The following EMILIN2 variants were observed in gnomAD, a reference collection of about 807,000 sequenced individuals.
EMILIN2 encodes EMILIN-2.
In EMILIN2, 71 loss-of-function variants were observed where a neutral mutation model predicts 87.1. The ratio of observed to expected loss-of-function variants is 0.82; its 90% CI spans 0.67 to 0.99. The LOEUF (loss-of-function observed/expected upper bound fraction) is 0.99, where lower values mean the gene tolerates loss of function less well. Ranked by LOEUF, EMILIN2 falls within the 50% of genes least tolerant of loss-of-function variation. EMILIN2 has a pLI of 0.00. For synonymous variants in EMILIN2, 581 were observed against 563.4 expected (o/e 1.03, Z -0.44); for missense variants, 1,407 against 1,371.8 (o/e 1.03, Z -0.40).
At chr18:2,857,159 G>C (rs967700200) in intron 2 of EMILIN2, among the ~76,000 whole-genome samples, 1 of 152,154 alleles carries the variant, frequency 6.6e-6, no homozygotes, top group Non-Finnish European at 1.5e-5. Context: ...TCTTTGCAGT[G>C]TCAGCCTTTC....
intron 4 of EMILIN2, among the ~76,000 whole-genome samples, chr18:2,901,845 A>T (rs186829275): frequency 6.6e-6 from 1 of 152,308 alleles, no homozygotes; most frequent in East Asian, 1.9e-4. Flanking sequence ...ACTAAGCCAG[A>T]GCTAGGAGAG....
chr18:2,867,987 C>G (rs1170962800), intron 2 of EMILIN2, among the ~76,000 whole-genome samples: 6 of 151,546 alleles, frequency 4.0e-5, no homozygotes, highest in Non-Finnish European at 8.9e-5. Flanking sequence ...GGGCTGACCC[C>G]CCCACCTCCC....
intron 2 of EMILIN2, among the ~76,000 whole-genome samples, chr18:2,884,276 C>T (rs561292129): frequency 3.4e-5 from 5 of 148,864 alleles, no homozygotes; most frequent in Non-Finnish European, 7.5e-5. Flanking sequence ...TTTTTTGAGA[C>T]AGTCTCGCTG....
chr18:2,897,154 G>C (rs971024711), intron 4 of EMILIN2, among the ~76,000 whole-genome samples: 2 of 152,184 alleles, frequency 1.3e-5, no homozygotes, highest in Admixed American at 1.3e-4. Flanking sequence ...GATCAGGCAG[G>C]CTTTCTAGGC....
intron 4 of EMILIN2, among the ~76,000 whole-genome samples, chr18:2,899,020 C>A (rs1317705155): frequency 6.6e-6 from 1 of 152,102 alleles, no homozygotes; most frequent in Non-Finnish European, 1.5e-5. Flanking sequence ...GAACTTAGAG[C>A]TGCAGTGTTC....
At chr18:2,866,573 C>T (rs1247392914) in intron 2 of EMILIN2, among the ~76,000 whole-genome samples, 1 of 152,188 alleles carries the variant, frequency 6.6e-6, no homozygotes, top group African/African-American at 2.4e-5. Context: ...GCTGAATTCA[C>T]TTATCAGTTC....
At chr18:2,900,294 C>A (rs535101951) in intron 4 of EMILIN2, among the ~76,000 whole-genome samples, 1 of 152,318 alleles carries the variant, frequency 6.6e-6, no homozygotes, top group East Asian at 1.9e-4. Flanking sequence ...CTCATGCTAT[C>A]CTCCTGCGTC....
At chr18:2,878,143 C>A (rs867163368) in intron 2 of EMILIN2, among the ~76,000 whole-genome samples, 1 of 1,896 alleles carries the variant, frequency 5.3e-4, no homozygotes, top group Non-Finnish European at 0.011. Context: ...TACATAACAA[C>A]GTTAAGTGTG....
At chr18:2,855,174 C>T (rs1016111275) in intron 2 of EMILIN2, among the ~76,000 whole-genome samples, 1 of 152,212 alleles carries the variant, frequency 6.6e-6, no homozygotes, top group Admixed American at 6.5e-5. Context: ...TTATGGGCCC[C>T]TTGGGGCTGC....
At chr18:2,909,584 A>T in intron 6 of EMILIN2, 107 bp from the exon 7 acceptor site, 1 of 1,426,736 alleles carries the variant, frequency 7.0e-7, no homozygotes, top group Non-Finnish European at 9.5e-7. Context: ...GGTGAAATAA[A>T]ATGGGCCTGG....
intron 2 of EMILIN2, among the ~76,000 whole-genome samples, chr18:2,858,537 A>G (rs1334225049): frequency 2.7e-4 from 9 of 33,544 alleles, no homozygotes; most frequent in South Asian, 1.0e-3. Flanking sequence ...ATATATATAT[A>G]TATATATATA....
chr18:2,886,443 C>T (rs2076803917), intron 3 of EMILIN2, among the ~76,000 whole-genome samples: 1 of 152,106 alleles, frequency 6.6e-6, no homozygotes, highest in Non-Finnish European at 1.5e-5. Context: ...ACCCTGAAAC[C>T]CTTTTTCTCA....
chr18:2,865,638 G>C (rs1372951302), intron 2 of EMILIN2, among the ~76,000 whole-genome samples: 2 of 152,218 alleles, frequency 1.3e-5, no homozygotes, highest in Non-Finnish European at 2.9e-5. Context: ...GTGCCTCCCA[G>C]TTAGGCTACT....
At position 2,909,702 on chromosome 18, in the gene EMILIN2, C is replaced by CCTTCTCTGGTGT. The variant is rs1568487070; in HGVS notation, c.2711_2722dup (p.Ser904_Ser907dup). On this transcript the variant is annotated inframe_insertion, in exon 7 of 8. Coordinates refer to ENST00000254528, the MANE Select transcript of EMILIN2 (RefSeq NM_032048.3). Reference sequence around the variant, plus strand: ...TTTCTCTGCTCCAGGAGCTCCGGTGCCTTCTCTGGTGTCTTTTTCTGCGGG... The same window carrying CCTTCTCTGGTGT: ...TTTCTCTGCTCCAGGAGCTCCGGTGCCTTCTCTGGTGTCTTCTCTGGTGTCTTTTTCTGCGGG... 3 of 1,613,926 alleles carry CCTTCTCTGGTGT rather than the reference C, an allele frequency of 1.9e-6. No individual in the cohort carries two copies. In the South Asian group the frequency reaches 3.3e-5, roughly 18 times the overall value.
chr18:2,913,425 G>C lies in EMILIN2; in HGVS notation c.*21G>C. The C allele has an allele frequency of 1.3e-6, 2 of 1,529,094 alleles. No individual in the cohort carries two copies. Among genetic ancestry groups the C allele is most frequent in the Non-Finnish European group, 1.8e-6 (2 of 1,132,470 alleles). 94.7% of individuals were successfully genotyped at this position (1,529,094 alleles called of 1,614,324 possible). On this transcript the variant is annotated 3_prime_UTR_variant, in exon 8 of 8. Transcript: ENST00000254528. ...TCTAAGGTGGCTGGGGAGATGTCAGGGGAAAGATAGATAGTTGTAAAAACT... is the reference window on the plus strand; with the variant it reads ...TCTAAGGTGGCTGGGGAGATGTCAGCGGAAAGATAGATAGTTGTAAAAACT...
chr18:2,846,387 A>G (rs1188240100), upstream of EMILIN2, among the ~76,000 whole-genome samples: 2 of 152,258 alleles, frequency 1.3e-5, no homozygotes, highest in African/African-American at 4.8e-5. The surrounding 1 kb of genome is among the most constrained non-coding windows in gnomAD (Gnocchi z 5.3). Context: ...AGTAAGTGAT[A>G]GAGCCGGACG....
Position 2,898,157 on chromosome 18 carries a change from CA to C in EMILIN2, c.2359+5672del, listed in dbSNP as rs1336109103. Among the ~76,000 whole-genome samples, 15 of 152,200 alleles carry C rather than the reference CA, an allele frequency of 9.9e-5. No homozygotes were observed. In the East Asian group the frequency reaches 2.9e-3, roughly 29 times the overall value. On this transcript the variant is annotated intron_variant, in intron 4 of 7. Transcript: ENST00000254528. Reference sequence around the variant, plus strand: ...TTCCCAAGTTGCCCAGCCTTACCCCCACTCGAGTCTGAGTGACCCATGAGTG... The same window carrying C: ...TTCCCAAGTTGCCCAGCCTTACCCCCCTCGAGTCTGAGTGACCCATGAGTG...
intron 4 of EMILIN2, among the ~76,000 whole-genome samples, chr18:2,905,674 C>T (rs2076907169): frequency 6.6e-6 from 1 of 152,012 alleles, no homozygotes; most frequent in Non-Finnish European, 1.5e-5. Context: ...GCGATCTCGG[C>T]TCCCTGCAAC....
chr18:2,896,940 C>T (rs746771725), intron 4 of EMILIN2, among the ~76,000 whole-genome samples: 1 of 152,086 alleles, frequency 6.6e-6, no homozygotes, highest in Admixed American at 6.5e-5. Flanking sequence ...AGTTCGAGAC[C>T]AGCCTGGGCA....
Sources: allele counts gnomAD v4.1 joint callset (sites outside exome capture counted in the v4.1 genomes callset), GRCh38; gene constraint gnomAD v4.1.1; non-coding constraint Gnocchi (gnomAD v3.1); transcripts MANE v1.5; gene names NCBI Gene and HGNC (gene_info 2026-07-23, HGNC 2026-07-21).